Variants in REG3G observed in about 807,000 individuals in gnomAD.
The protein encoded by REG3G is regenerating islet-derived protein 3-gamma.
A neutral mutation model predicts 20.9 loss-of-function variants in REG3G; 19 were observed. The observed-to-expected ratio is 0.91, with a 90% CI of 0.64 to 1.34. The LOEUF is 1.34. REG3G is among the 40% of genes most tolerant of loss of function. The pLI is 0.00. For synonymous variants in REG3G, 89 were observed against 77.4 expected, an observed-to-expected ratio of 1.15 and a Z score of -0.79; for missense variants, 235 against 205.0, an observed-to-expected ratio of 1.15 and a Z score of -0.89.
chr2:79,026,399 C>T (rs1027424971), intron 2 of REG3G: 2 of 602,880 alleles, frequency 3.3e-6, no homozygotes, highest in African/African-American at 1.9e-5. Context: ...CTCTAATATA[C>T]ACTGGTGGGA....
intron 1 of REG3G, 80 bp from the exon 2 acceptor site, chr2:79,025,903 T>G (rs385742): frequency 0.26 from 150,146 of 582,890 alleles, 20,545 homozygotes; most frequent in African/African-American, 0.37. Flanking sequence ...TACTGGGAGG[T>G]CTCAGGGATG....
Position 79,028,227 on chromosome 2 carries a change from A to G in REG3G, c.479A>G (p.Asp160Gly). The part of the protein sequence containing the change: ...SRSTGFLKWK[D>G]YNCDAKLPYV... ...TCCCTAGGATTTCTGAAGTGGAAAG[A>G]TTATAACTGTGATGCAAAGTTACCC... Residue 160 changes from aspartate to glycine, a missense_variant, in exon 6 of 6, where the codon GAT (aspartate) becomes GGT (glycine). Physicochemically the swap from Asp to Gly is moderately conservative, Grantham distance 94. Coordinates refer to ENST00000272324, the MANE Select transcript of REG3G (RefSeq NM_001008387.3). 6.2e-7 allele frequency: 1 copy of G among 1,612,908 alleles called. No homozygotes were observed.
chr2:79,027,810 T>C lies in REG3G; in HGVS notation c.337T>C (p.Ser113Pro). The change falls in exon 5 of 6, where the codon TCT becomes CCT. Residue 113 changes from serine to proline, a missense_variant. By Grantham distance (74) the Ser-to-Pro change is moderately conservative. Coordinates refer to ENST00000272324, the MANE Select transcript of REG3G (RefSeq NM_001008387.3). The stretch of plus-strand genomic sequence containing the variant: ...GGCTGCCTCCTCTTCTCTATAGGGC[T>C]CTGAGCCTGATGGAGATGGATGGGA... The part of the protein sequence containing the change: ...WIGLHDPTQG[S>P]EPDGDGWEWS... 6.2e-7 allele frequency: 1 copy of C among 1,614,018 alleles called. No homozygotes were observed. Among genetic ancestry groups the C allele is most frequent in the Non-Finnish European group, 8.5e-7 (1 of 1,179,928 alleles).
At chr2:79,027,579 A>G (rs1225208329) in intron 4 of REG3G, among the ~76,000 whole-genome samples, 1 of 152,204 alleles carries the variant, frequency 6.6e-6, no homozygotes, top group African/African-American at 2.4e-5. Context: ...TGCAAGTAAC[A>G]TATTACCTTG....
rs1573156301 is a variant in REG3G, at chr2:79,028,405, TC to T, written c.*131del. The T allele has an allele frequency of 6.6e-6, 4 of 607,844 alleles. No individual in the cohort carries two copies. The East Asian group carries it at 1.1e-4, about 17-fold the overall frequency. 37.7% of individuals were successfully genotyped at this position (607,844 alleles called of 1,614,324 possible). ...CTACCTGACTACCTTGTCATGATCCTCCTTCTTTTTCCTTTTTCTTCACCTT... is the reference window on the plus strand; with the variant it reads ...CTACCTGACTACCTTGTCATGATCCTCTTCTTTTTCCTTTTTCTTCACCTT... On this transcript the variant is annotated 3_prime_UTR_variant, in exon 6 of 6. Transcript: ENST00000272324.
In REG3G at chr2:79,025,996, C is replaced by T; in HGVS notation, c.-98C>T. On this transcript the variant is annotated 5_prime_UTR_variant, in exon 2 of 6. Coordinates refer to ENST00000272324, the MANE Select transcript of REG3G (RefSeq NM_001008387.3). The stretch of plus-strand genomic sequence containing the variant: ...AGATCACTTCAGTCCTAGGGGACTA[C>T]AGAAGGAAAAAGACAAGAGGCAGTA... 8.6e-7 allele frequency: 1 copy of T among 1,165,902 alleles called. No homozygotes were observed. Among genetic ancestry groups the T allele is most frequent in the Admixed American group, 1.9e-5 (1 of 53,954 alleles). The allele number at this position is 1,165,902 out of a possible 1,614,324, so 72.2% of individuals were successfully genotyped here. A position where few individuals can be genotyped will look rare whatever the true frequency, so the allele number is the denominator to read the frequency against.
chr2:79,028,023 A>G, intron 5 of REG3G, 90 bp downstream of exon 5: 3 of 1,544,206 alleles, frequency 1.9e-6, no homozygotes, highest in Non-Finnish European at 2.7e-6. Context: ...CAGCTAGGTA[A>G]TGCAGTGTTT....
chr2:79,027,793 C>T lies in REG3G; in HGVS notation c.334-14C>T, dbSNP rs1396386524. 3 of 1,613,816 alleles carry T rather than the reference C, an allele frequency of 1.9e-6. No individual in the cohort carries two copies. In the South Asian group the frequency reaches 3.3e-5, roughly 18 times the overall value. ...GGCCATTTTCTTCACCTGGCTGCCT[C>T]CTCTTCTCTATAGGGCTCTGAGCCT... On this transcript the variant is annotated splice_polypyrimidine_tract_variant and intron_variant, in intron 4 of 5. Transcript: ENST00000272324.
In REG3G at chr2:79,028,366, C is replaced by A; in HGVS notation, c.*90C>A. ...AAGACTCACCCTGGAAGAGAATATT[C>A]TCCCCAAACTGCCCTACCTGACTAC... On this transcript the variant is annotated 3_prime_UTR_variant, in exon 6 of 6. Coordinates refer to ENST00000272324, the MANE Select transcript of REG3G (RefSeq NM_001008387.3). 1.2e-6 allele frequency: 1 copy of A among 857,858 alleles called. No individual in the cohort carries two copies. The highest frequency in any genetic ancestry group is 2.0e-6 in the Non-Finnish European group (1 of 503,492). 53.1% of individuals were successfully genotyped at this position (857,858 alleles called of 1,614,324 possible).
rs1671675878 is a variant in REG3G at position 79,028,242 on chromosome 2, CAA to C, written c.496_497del (p.Lys166ValfsTer32). 2 of 1,613,182 alleles carry C rather than the reference CAA, an allele frequency of 1.2e-6. No individual in the cohort carries two copies. Among genetic ancestry groups the C allele is most frequent in the Non-Finnish European group, 1.7e-6 (2 of 1,179,286 alleles). ...AAGTGGAAAGATTATAACTGTGATG[CAA>C]AGTTACCCTATGTCTGCAAGTTCAA... On this transcript the variant is annotated frameshift_variant, in exon 6 of 6. Coordinates refer to ENST00000272324, the MANE Select transcript of REG3G (RefSeq NM_001008387.3). LOFTEE classifies it high-confidence loss of function.
chr2:79,028,083 C>A, intron 5 of REG3G, 126 bp from the exon 6 acceptor site: 1 of 1,281,586 alleles, frequency 7.8e-7, no homozygotes, highest in Non-Finnish European at 1.1e-6. Flanking sequence ...GAGTCTCATT[C>A]TCCTGGATTG....
intron 5 of REG3G, 134 bp from the exon 6 acceptor site, chr2:79,028,075 G>T (rs941370114): frequency 2.3e-6 from 3 of 1,285,778 alleles, no homozygotes; most frequent in Non-Finnish European, 3.3e-6. Context: ...CCTTCTTTGA[G>T]TCTCATTCTC....
chr2:79,026,654 G>A (rs1388379168), intron 2 of REG3G, 59 bp from the exon 3 acceptor site: 15 of 1,377,708 alleles, frequency 1.1e-5, no homozygotes, highest in Non-Finnish European at 1.3e-5. Context: ...ATTCCCCAAG[G>A]TCATCTCCCA....
Position 79,026,123 on chromosome 2 carries a change from G to A in REG3G, c.30G>A (p.Val10=). 2 of 1,614,000 alleles carry A rather than the reference G, an allele frequency of 1.2e-6. No homozygotes were observed. The highest frequency in any genetic ancestry group is 8.5e-7 in the Non-Finnish European group (1 of 1,179,914). Residue 10 remains valine (V), a synonymous_variant, in exon 2 of 6, where the codon GTG becomes GTA. Coordinates refer to ENST00000272324, the MANE Select transcript of REG3G (RefSeq NM_001008387.3). The part of the protein sequence containing the change: MLPPMALPS[V]SWMLLSCLIL... ...TGCCTCCCATGGCCCTGCCCAGTGT[G>A]TCCTGGATGCTGCTTTCCTGCCTCA...
At chr2:79,026,677 T>C in intron 2 of REG3G, 36 bp from the exon 3 acceptor site, 1 of 1,521,464 alleles carries the variant, frequency 6.6e-7, no homozygotes. Flanking sequence ...CACCCCCTAC[T>C]CTTCATTTTA....
Position 79,028,456 on chromosome 2 carries a change from C to T in REG3G, c.*180C>T. On this transcript the variant is annotated 3_prime_UTR_variant, in exon 6 of 6. Transcript: ENST00000272324. ...TCATTTCAGGCTTTTCTCTGTCTTC[C>T]ATGTCTTGAGATCTCAGAGAATAAT... is the stretch of plus-strand genomic sequence containing the variant. 1.8e-6 allele frequency: 1 copy of T among 551,190 alleles called. No individual in the cohort carries two copies. 34.1% of individuals were successfully genotyped at this position (551,190 alleles called of 1,614,324 possible).
chr2:79,028,140 C>G, intron 5 of REG3G, 69 bp from the exon 6 acceptor site: 1 of 1,327,994 alleles, frequency 7.5e-7, no homozygotes. Context: ...TAGGCTAAAA[C>G]CTGGGATGCC....
At position 79,028,383 on chromosome 2, in the gene REG3G, C is replaced by T. The variant is rs1671680272; in HGVS notation, c.*107C>T. 1 of 733,148 alleles carries T rather than the reference C, an allele frequency of 1.4e-6. No individual in the cohort carries two copies. Among genetic ancestry groups the T allele is most frequent in the South Asian group, 1.6e-5 (1 of 63,964 alleles). The allele number at this position is 733,148 out of a possible 1,614,324, so 45.4% of individuals were successfully genotyped here. On this transcript the variant is annotated 3_prime_UTR_variant, in exon 6 of 6. Transcript: ENST00000272324. ...AGAATATTCTCCCCAAACTGCCCTA[C>T]CTGACTACCTTGTCATGATCCTCCT...
chr2:79,026,971 C>A (rs547628634), intron 3 of REG3G, 63 bp from the exon 4 acceptor site: 25 of 1,604,738 alleles, frequency 1.6e-5, no homozygotes, highest in African/African-American at 4.0e-5. Flanking sequence ...TCCCACCTAC[C>A]TTTTCCCTGC....
Sources: allele counts gnomAD v4.1 joint callset (sites outside exome capture counted in the v4.1 genomes callset), GRCh38; gene constraint gnomAD v4.1.1; transcripts MANE v1.5; gene names NCBI Gene and HGNC (gene_info 2026-07-23, HGNC 2026-07-21).